ARL15: variants seen among roughly 807,000 people sequenced by gnomAD.
ARL15 encodes the protein ARF like GTPase 15.
In ARL15, 19 loss-of-function variants were observed where a neutral mutation model predicts 25.2. That is an observed-to-expected ratio of 0.75 (90% CI 0.53 to 1.10). ARL15 has a LOEUF of 1.10. ARL15 is among the 50% of genes least tolerant of loss of function. ARL15 has a pLI of 0.00. For missense variants in ARL15, 220 were observed against 246.0 expected (o/e 0.89, Z 0.71); for synonymous variants, 94 against 86.8 (o/e 1.08, Z -0.46).
At chr5:54,296,456 G>A (rs780859713) in intron 1 of ARL15, among the ~76,000 whole-genome samples, 48 of 152,220 alleles carry the variant, frequency 3.2e-4, no homozygotes, top group Non-Finnish European at 5.9e-4. Flanking sequence ...GCAAATGCAG[G>A]CAGTCTGGCT....
chr5:54,108,569 C>T (rs1036321090), intron 4 of ARL15, among the ~76,000 whole-genome samples: 1 of 152,032 alleles, frequency 6.6e-6, no homozygotes, highest in Non-Finnish European at 1.5e-5. Context: ...TTAAACACTG[C>T]TTTGCATTTT....
At chr5:54,130,585 G>A (rs759314612) in intron 3 of ARL15, among the ~76,000 whole-genome samples, 3 of 152,142 alleles carry the variant, frequency 2.0e-5, no homozygotes, top group Non-Finnish European at 2.9e-5. Flanking sequence ...TAACTTATTA[G>A]GAGATCATAG....
chr5:54,180,475 C>A (rs1001997776), intron 1 of ARL15, among the ~76,000 whole-genome samples: 1 of 152,210 alleles, frequency 6.6e-6, no homozygotes, highest in Non-Finnish European at 1.5e-5. Flanking sequence ...CTGCCAGACA[C>A]AGCCCAGCTG....
At chr5:54,030,500 T>C (rs1749944607) in intron 4 of ARL15, among the ~76,000 whole-genome samples, 1 of 152,126 alleles carries the variant, frequency 6.6e-6, no homozygotes, top group Non-Finnish European at 1.5e-5. Context: ...AGAGATGTGA[T>C]AGGGAGTGAC....
At chr5:54,014,388 A>G (rs981709773) in intron 4 of ARL15, among the ~76,000 whole-genome samples, 5 of 152,182 alleles carry the variant, frequency 3.3e-5, no homozygotes, top group Non-Finnish European at 7.3e-5. Context: ...ACCTGAGCAG[A>G]CCCAAAGAGA....
At chr5:54,100,427 G>T (rs930923773) in intron 4 of ARL15, among the ~76,000 whole-genome samples, 1 of 151,968 alleles carries the variant, frequency 6.6e-6, no homozygotes, top group African/African-American at 2.4e-5. Context: ...CACGGGTAAT[G>T]GGTTGGATGG....
intron 1 of ARL15, among the ~76,000 whole-genome samples, chr5:54,240,986 G>A (rs1387948344): frequency 6.6e-6 from 1 of 152,062 alleles, no homozygotes; most frequent in Non-Finnish European, 1.5e-5. Context: ...GTTAGATATG[G>A]TACTAAATGA....
chr5:54,270,827 G>C (rs1462862062), intron 1 of ARL15, among the ~76,000 whole-genome samples: 1 of 152,234 alleles, frequency 6.6e-6, no homozygotes, highest in African/African-American at 2.4e-5. Context: ...GTTTTGGAAT[G>C]TGTCTGGGAT....
At chr5:54,198,507 C>T (rs1340931307) in intron 1 of ARL15, among the ~76,000 whole-genome samples, 1 of 146,670 alleles carries the variant, frequency 6.8e-6, no homozygotes, top group Non-Finnish European at 1.5e-5. Flanking sequence ...CAATAACAGA[C>T]AAACAGAGAG....
intron 4 of ARL15, among the ~76,000 whole-genome samples, chr5:54,074,931 T>G (rs1468330802): frequency 6.6e-6 from 1 of 151,828 alleles, no homozygotes; most frequent in Non-Finnish European, 1.5e-5. Flanking sequence ...CTATTAATGT[T>G]CTTTAGTCTT....
At chr5:53,920,283 CATG>C (rs1406056032) in intron 4 of ARL15, among the ~76,000 whole-genome samples, 1 of 152,086 alleles carries the variant, frequency 6.6e-6, no homozygotes, top group African/African-American at 2.4e-5. Flanking sequence ...TAATTGAAGA[CATG>C]ATGATAGGGT....
intron 4 of ARL15, among the ~76,000 whole-genome samples, chr5:53,966,845 T>C (rs1350467880): frequency 2.0e-5 from 3 of 152,196 alleles, no homozygotes; most frequent in Non-Finnish European, 2.9e-5. Context: ...AAATTCCACA[T>C]GCAGAAATCT....
intron 3 of ARL15, among the ~76,000 whole-genome samples, chr5:54,130,456 C>T (rs116148855): frequency 0.029 from 4,369 of 152,156 alleles, 208 homozygotes; most frequent in African/African-American, 0.1. Context: ...TACAGAAAAT[C>T]ATTAATTTTG....
intron 1 of ARL15, among the ~76,000 whole-genome samples, chr5:54,185,544 A>T (rs763990953): frequency 4.6e-5 from 7 of 152,174 alleles, no homozygotes; most frequent in Non-Finnish European, 7.4e-5. Context: ...ACCAAGCCAC[A>T]TGGCCAGATG....
At chr5:54,290,471 C>A (rs1431392226) in intron 1 of ARL15, among the ~76,000 whole-genome samples, 2 of 151,950 alleles carry the variant, frequency 1.3e-5, no homozygotes, top group African/African-American at 4.8e-5. Context: ...CCACGTCCAG[C>A]TAATTTTCCT....
At chr5:54,261,739 A>T (rs1223153659) in intron 1 of ARL15, among the ~76,000 whole-genome samples, 1 of 151,922 alleles carries the variant, frequency 6.6e-6, no homozygotes, top group East Asian at 1.9e-4. Context: ...TGGGGTACTG[A>T]ACCAGATCTT....
chr5:54,207,993 A>T (rs183137012), intron 1 of ARL15, among the ~76,000 whole-genome samples: 3 of 152,262 alleles, frequency 2.0e-5, no homozygotes, highest in East Asian at 3.9e-4. Context: ...AATTAAGTAA[A>T]ACTTTAGCAT....
intron 4 of ARL15, among the ~76,000 whole-genome samples, chr5:54,058,240 A>T (rs1050337786): frequency 2.0e-5 from 3 of 152,064 alleles, no homozygotes; most frequent in African/African-American, 4.8e-5. Context: ...TCCTGACCTC[A>T]GGTGATCTGC....
At chr5:54,164,177 T>A (rs1304181513) in intron 2 of ARL15, among the ~76,000 whole-genome samples, 1 of 152,070 alleles carries the variant, frequency 6.6e-6, no homozygotes, top group Non-Finnish European at 1.5e-5. Flanking sequence ...CTTGAGATTT[T>A]TTTTTTCTTC....
Sources: gnomAD v4.1 joint callset for allele counts (sites outside exome capture counted in the v4.1 genomes callset) on GRCh38, gnomAD v4.1.1 for gene constraint, MANE v1.5 for transcripts, NCBI Gene and HGNC (gene_info 2026-07-23, HGNC 2026-07-21) for gene names.